Variants in SORL1 observed in about 807,000 individuals in gnomAD.
SORL1 encodes the protein sortilin related receptor 1.
A neutral mutation model predicts 273.7 loss-of-function variants in SORL1; 127 were observed. The observed-to-expected ratio is 0.46, with a 90% CI of 0.40 to 0.54. The LOEUF is 0.54. SORL1 is among the 20% of genes least tolerant of loss of function. The pLI is 0.00. For synonymous variants in SORL1, 1,031 were observed against 1,067.4 expected, an observed-to-expected ratio of 0.97 and a Z score of 0.66; for missense variants, 2,494 against 2,846.1, an observed-to-expected ratio of 0.88 and a Z score of 2.81.
intron 26 of SORL1, 28 bp downstream of exon 26, chr11:121,583,611 C>G (rs751236525): frequency 6.3e-7 from 1 of 1,584,948 alleles, no homozygotes; most frequent in Admixed American, 1.8e-5. Context: ...AGCTCCCTCC[C>G]TGAGCCTCCC....
rs142297648 is a variant in SORL1 at position 121,513,741 on chromosome 11, A to C, written c.1042-411A>C. Among the ~76,000 whole-genome samples, 6 of 152,358 alleles carry C rather than the reference A, an allele frequency of 3.9e-5. No individual in the cohort carries two copies. In the East Asian group the frequency reaches 7.7e-4, roughly 20 times the overall value. ...GAGTGGGATCATACGGAGAACAGTC[A>C]TGCCAGTCCTTTGCTAGTTTCTATG... is the stretch of plus-strand genomic sequence containing the variant. On this transcript the variant is annotated intron_variant, in intron 7 of 47. Transcript: ENST00000260197.
chr11:121,615,048 G>A lies in SORL1; in HGVS notation c.5597G>A (p.Arg1866Gln), dbSNP rs137995625. 6.3e-5 allele frequency: 101 copies of A among 1,595,464 alleles called. No individual in the cohort carries two copies. The highest frequency in any genetic ancestry group is 1.8e-4 in the South Asian group (16 of 88,760). ...TAVECTWTGP[R>Q]NVVYGIFYAT... ...GTGGAATGTACCTGGACCGGCCCCCGGAATGTGGTGAGTCAGCCAGAATGA... is the reference window on the plus strand; with the variant it reads ...GTGGAATGTACCTGGACCGGCCCCCAGAATGTGGTGAGTCAGCCAGAATGA... Residue 1866 changes from arginine (R) to glutamine (Q), a missense_variant, in exon 41 of 48, where the codon CGG (arginine) becomes CAG (glutamine). By Grantham distance (43) the Arg-to-Gln change is conservative. Transcript: ENST00000260197.
intron 1 of SORL1, among the ~76,000 whole-genome samples, chr11:121,457,533 TTAAC>T (rs376102627): frequency 7.2e-5 from 11 of 152,362 alleles, no homozygotes; most frequent in African/African-American, 2.6e-4. Context: ...AATAATGAGA[TTAAC>T]TTTAGCTCTA....
chr11:121,532,903 C>T (rs894979707), intron 12 of SORL1, among the ~76,000 whole-genome samples: 4 of 152,112 alleles, frequency 2.6e-5, no homozygotes, highest in Admixed American at 6.5e-5. Flanking sequence ...AGGCTAGTCT[C>T]GAACCCCTGA....
At chr11:121,545,138 C>T in intron 13 of SORL1, 105 bp from the exon 14 acceptor site, 2 of 1,030,806 alleles carry the variant, frequency 1.9e-6, no homozygotes, top group Non-Finnish European at 2.9e-6. Context: ...GGGGTGGCAA[C>T]AGATAGACAG....
chr11:121,577,333 C>T lies in SORL1; in HGVS notation c.3513C>T (p.Ile1171=). 1.2e-6 allele frequency: 2 copies of T among 1,613,602 alleles called. No individual in the cohort carries two copies. Among genetic ancestry groups the T allele is most frequent in the Non-Finnish European group, 1.7e-6 (2 of 1,179,718 alleles). The change falls in exon 25 of 48, where the codon ATC becomes ATT. Residue 1171 remains isoleucine (I), a synonymous_variant. Transcript: ENST00000260197. ...DEYNCSSGMC[I]RSSWVCDGDN... ...ACAACTGCAGTTCCGGCATGTGCAT[C>T]CGCTCCTCCTGGGTATGTGACGGGG...
At chr11:121,605,050 C>T (rs1231745601) in intron 33 of SORL1, 63 bp from the exon 34 acceptor site, 14 of 1,477,682 alleles carry the variant, frequency 9.5e-6, no homozygotes, top group East Asian at 2.3e-5. Context: ...GGATTACAGG[C>T]GTGAGCCACC....
At chr11:121,585,016 G>A (rs1863073231) in intron 26 of SORL1, among the ~76,000 whole-genome samples, 1 of 152,326 alleles carries the variant, frequency 6.6e-6, no homozygotes, top group East Asian at 1.9e-4. Context: ...GAACTGTTGT[G>A]AAACCTCAGG....
At chr11:121,543,105 G>A (rs1862371260) in intron 12 of SORL1, among the ~76,000 whole-genome samples, 2 of 150,990 alleles carry the variant, frequency 1.3e-5, no homozygotes, top group African/African-American at 4.9e-5. Flanking sequence ...GCAGGAGAAT[G>A]GCGTGAACCC....
intron 29 of SORL1, 145 bp from the exon 30 acceptor site, chr11:121,589,895 G>A: frequency 1.1e-6 from 1 of 885,436 alleles, no homozygotes; most frequent in Middle Eastern, 2.7e-4. Context: ...GTTCCCCATT[G>A]GGTCCATGAA....
At chr11:121,501,629 C>T (rs904283480) in intron 6 of SORL1, among the ~76,000 whole-genome samples, 3 of 152,288 alleles carry the variant, frequency 2.0e-5, no homozygotes, top group Non-Finnish European at 2.9e-5. Context: ...GCTTACGTGG[C>T]GGCAGGCAAG....
Position 121,632,395 on chromosome 11 carries a change from C to T in SORL1, c.*2832C>T, listed in dbSNP as rs1361549216. The T allele has an allele frequency of 6.6e-6, 1 of 152,052 alleles. No individual in the cohort carries two copies. The highest frequency in any genetic ancestry group is 1.9e-4 in the East Asian group (1 of 5,200). 9.4% of individuals were successfully genotyped at this position (152,052 alleles called of 1,614,324 possible). ...ATGTCTGTGCAGTCCTAGTTCCAGA[C>T]AGGTGAGAAGCTCCAGGAACTACTG... On this transcript the variant is annotated 3_prime_UTR_variant, in exon 48 of 48. Coordinates refer to ENST00000260197, the MANE Select transcript of SORL1 (RefSeq NM_003105.6).
chr11:121,599,284 C>T (rs1283735629), intron 32 of SORL1, among the ~76,000 whole-genome samples: 2 of 152,254 alleles, frequency 1.3e-5, no homozygotes, highest in Non-Finnish European at 2.9e-5. Flanking sequence ...GTGGCTCACA[C>T]CTGTAATCCC....
intron 11 of SORL1, among the ~76,000 whole-genome samples, chr11:121,524,236 C>A (rs1484190664): frequency 1.3e-5 from 2 of 152,248 alleles, no homozygotes; most frequent in African/African-American, 2.4e-5. Context: ...GGGGTATCCT[C>A]TTCTCTGCGA....
chr11:121,604,098 A>G (rs556463442), intron 32 of SORL1, 95 bp from the exon 33 acceptor site: 28 of 1,470,980 alleles, frequency 1.9e-5, no homozygotes, highest in Middle Eastern at 1.8e-4. Flanking sequence ...GCAGAAGCCA[A>G]TTAGTACTTT....
chr11:121,615,121 C>A, intron 41 of SORL1, 66 bp downstream of exon 41: 1 of 1,317,574 alleles, frequency 7.6e-7, no homozygotes, highest in Non-Finnish European at 1.0e-6. Flanking sequence ...CGCCACCACA[C>A]AACTCCAGGG....
At chr11:121,510,312 T>G (rs927687945) in intron 6 of SORL1, among the ~76,000 whole-genome samples, 2 of 152,234 alleles carry the variant, frequency 1.3e-5, no homozygotes, top group Non-Finnish European at 2.9e-5. Flanking sequence ...AAATAAAAAT[T>G]GCTTAACCAA....
intron 30 of SORL1, 198 bp downstream of exon 30, chr11:121,590,372 A>G: frequency 3.5e-6 from 2 of 569,340 alleles, no homozygotes; most frequent in Non-Finnish European, 6.2e-6. Flanking sequence ...CAGGCTATTT[A>G]TTCCGTATTT....
chr11:121,490,207 C>T (rs1565313205), intron 5 of SORL1, 97 bp downstream of exon 5: 2 of 797,256 alleles, frequency 2.5e-6, no homozygotes, highest in South Asian at 2.9e-5. Flanking sequence ...CTGAAATGTC[C>T]AGCATTTATT....
Sources: gnomAD v4.1 joint callset for allele counts (sites outside exome capture counted in the v4.1 genomes callset) on GRCh38, gnomAD v4.1.1 for gene constraint, MANE v1.5 for transcripts, NCBI Gene and HGNC (gene_info 2026-07-23, HGNC 2026-07-21) for gene names.